Variants in ILDR2 observed in about 807,000 individuals in gnomAD.
The protein encoded by ILDR2 is immunoglobulin like domain containing receptor 2.
ILDR2 carries 25 observed loss-of-function variants against 66.8 expected under a neutral mutation model. The observed-to-expected ratio is 0.37, with a 90% CI of 0.27 to 0.52. The LOEUF (loss-of-function observed/expected upper bound fraction) is 0.52. Among genes scored for constraint, ILDR2 ranks in the 20% least tolerant of loss-of-function variants. The pLI is 0.88. For missense variants in ILDR2, 827 were observed against 876.8 expected (o/e 0.94, Z 0.72); for synonymous variants, 367 against 357.2 (o/e 1.03, Z -0.31).
At chr1:166,933,111 T>G (rs532157891) in intron 6 of ILDR2, among the ~76,000 whole-genome samples, 1 of 152,230 alleles carries the variant, frequency 6.6e-6, no homozygotes, top group African/African-American at 2.4e-5. Context: ...ACCCTTCCTC[T>G]TTTTCCTTGC....
chr1:166,951,433 TTTATCTGTTACGTAAATCAAA>T (rs1399998774), intron 3 of ILDR2, among the ~76,000 whole-genome samples: 1 of 152,210 alleles, frequency 6.6e-6, no homozygotes, highest in Non-Finnish European at 1.5e-5. Flanking sequence ...TACCCCCGGA[TTTATCTGTTACGTAAATCAAA>T]TTATCTGTTA....
Position 166,909,822 on chromosome 1 carries a change from C to G in ILDR2, c.*9533G>C, listed in dbSNP as rs1171883290. 7.7e-6 allele frequency: 1 copy of G among 129,968 alleles called. No homozygotes were observed. 8.1% of individuals were successfully genotyped at this position (129,968 alleles called of 1,614,324 possible). Reference sequence around the variant, plus strand: ...ATATATATATCCTTCTAGCTTTGCTCTACTGGACATTAACGTCTCAGAGAA... The same window carrying G: ...ATATATATATCCTTCTAGCTTTGCTGTACTGGACATTAACGTCTCAGAGAA... On this transcript the variant is annotated 3_prime_UTR_variant, in exon 10 of 10. Coordinates refer to ENST00000271417, the MANE Select transcript of ILDR2 (RefSeq NM_199351.3).
At chr1:166,901,781 C>G (rs1371605157) in intron 2 of ILDR2, among the ~76,000 whole-genome samples, 1 of 152,212 alleles carries the variant, frequency 6.6e-6, no homozygotes, top group East Asian at 1.9e-4. Context: ...TGGTTGCAGA[C>G]AGATATCTGT....
intron 3 of ILDR2, among the ~76,000 whole-genome samples, chr1:166,952,757 G>C (rs535743738): frequency 1.6e-4 from 25 of 152,232 alleles, no homozygotes; most frequent in Non-Finnish European, 2.9e-4. Flanking sequence ...ACGGCCTCAA[G>C]CAGTAACCAC....
At chr1:166,953,068 C>A (rs145562070) in intron 3 of ILDR2, among the ~76,000 whole-genome samples, 1 of 152,062 alleles carries the variant, frequency 6.6e-6, no homozygotes, top group East Asian at 1.9e-4. Flanking sequence ...TTTTTGGCAT[C>A]CCACATCTAT....
downstream of ILDR2, among the ~76,000 whole-genome samples, chr1:166,906,456 G>T (rs1426899999): frequency 1.3e-5 from 2 of 151,996 alleles, no homozygotes; most frequent in African/African-American, 4.8e-5. Context: ...GGGGAAGGAA[G>T]GTATTCTGGA....
rs74119509 is a variant in ILDR2 at position 166,897,773 on chromosome 1, G to A, written n.172-1672C>T. Among the ~76,000 whole-genome samples, 1,059 of 152,338 alleles carry A rather than the reference G, an allele frequency of 7.0e-3. 11 individuals carry two copies. Among genetic ancestry groups the A allele is most frequent in the African/African-American group, 0.024 (1,017 of 41,580 alleles). On this transcript the variant is annotated intron_variant and non_coding_transcript_variant, in intron 2 of 2. Transcript: ENST00000414590. ...CACATTTGGGACCTCCCCAGGCTTTGTTCTATGCATCTTTCTTTTGGCTAG... is the reference window on the plus strand; with the variant it reads ...CACATTTGGGACCTCCCCAGGCTTTATTCTATGCATCTTTCTTTTGGCTAG...
chr1:166,975,287 C>G lies in ILDR2; in HGVS notation c.-19G>C. 1.2e-6 allele frequency: 2 copies of G among 1,611,848 alleles called. No individual in the cohort carries two copies. The highest frequency in any genetic ancestry group is 1.1e-5 in the South Asian group (1 of 91,002). ...TATCCATCTTCCCCAACTTCCCAGC[C>G]GAATTACGGAGTGAGGAAAGTGGGA... is the stretch of plus-strand genomic sequence containing the variant. On this transcript the variant is annotated 5_prime_UTR_variant, in exon 1 of 10. Coordinates refer to ENST00000271417, the MANE Select transcript of ILDR2 (RefSeq NM_199351.3).
chr1:166,951,960 T>C (rs1475198395), intron 3 of ILDR2, among the ~76,000 whole-genome samples: 1 of 152,190 alleles, frequency 6.6e-6, no homozygotes, highest in Non-Finnish European at 1.5e-5. Flanking sequence ...GGGGTGTTCA[T>C]CCAGTCACAT....
At position 166,920,758 on chromosome 1, in the gene ILDR2, G is replaced by T; in HGVS notation, c.1833C>A (p.Pro611=). Residue 611 remains proline, a synonymous_variant, in exon 9 of 10, where the codon CCC becomes CCA. Transcript: ENST00000271417. The part of the protein sequence containing the change: ...RGPSYRGRDL[P]YHSNSEKKRK... ...TCTTCTTCTCCGAGTTGCTGTGGTA[G>T]GGCAGGTCGCGGCCGCGGTAGGACG... 2 of 1,490,224 alleles carry T rather than the reference G, an allele frequency of 1.3e-6. No individual in the cohort carries two copies. Among genetic ancestry groups the T allele is most frequent in the East Asian group, 2.7e-5 (1 of 36,680 alleles). 92.3% of individuals were successfully genotyped at this position (1,490,224 alleles called of 1,614,324 possible). A position where few individuals can be genotyped will look rare whatever the true frequency, so the allele number is the denominator to read the frequency against.
chr1:166,957,159 G>A (rs186255577), intron 2 of ILDR2, among the ~76,000 whole-genome samples: 4 of 152,212 alleles, frequency 2.6e-5, no homozygotes, highest in Non-Finnish European at 5.9e-5. Flanking sequence ...CTAAGAGCCA[G>A]GAAAATGCCA....
intron 6 of ILDR2, among the ~76,000 whole-genome samples, chr1:166,932,749 A>G (rs1400172782): frequency 6.6e-6 from 1 of 152,254 alleles, no homozygotes; most frequent in Non-Finnish European, 1.5e-5. Flanking sequence ...GCCCTTTTCA[A>G]CCACACATTG....
intron 1 of ILDR2, among the ~76,000 whole-genome samples, chr1:166,964,504 C>G (rs1662815405): frequency 6.6e-6 from 1 of 152,090 alleles, no homozygotes; most frequent in African/African-American, 2.4e-5. Context: ...ATAGGTGAAG[C>G]TAAAAAATGT....
chr1:166,946,091 G>C (rs1180885582), intron 3 of ILDR2, among the ~76,000 whole-genome samples: 1 of 152,052 alleles, frequency 6.6e-6, no homozygotes, highest in Non-Finnish European at 1.5e-5. Context: ...CCTTTCTCTG[G>C]CCCTTTTAAA....
At chr1:166,960,755 G>T (rs1662563244) in intron 1 of ILDR2, among the ~76,000 whole-genome samples, 1 of 152,168 alleles carries the variant, frequency 6.6e-6, no homozygotes, top group African/African-American at 2.4e-5. Context: ...AAGAACCCTA[G>T]TTCCCATGCT....
rs1258626210 is a variant in ILDR2 at position 166,909,259 on chromosome 1, T to C, written c.*10096A>G. On this transcript the variant is annotated 3_prime_UTR_variant, in exon 10 of 10. Transcript: ENST00000271417. ...GTGACTCTCAGACTGCTAGTGGCTA[T>C]ATTCCTGCCTTTTGGAGTAAGTCTA... 1 of 152,208 alleles carries C rather than the reference T, an allele frequency of 6.6e-6. No homozygotes were observed. Among genetic ancestry groups the C allele is most frequent in the Admixed American group, 6.5e-5 (1 of 15,280 alleles). 9.4% of individuals were successfully genotyped at this position (152,208 alleles called of 1,614,324 possible). A position where few individuals can be genotyped will look rare whatever the true frequency, so the allele number is the denominator to read the frequency against.
At chr1:166,953,233 C>T (rs1662088271) in intron 3 of ILDR2, among the ~76,000 whole-genome samples, 1 of 152,136 alleles carries the variant, frequency 6.6e-6, no homozygotes, top group Non-Finnish European at 1.5e-5. Context: ...ACCCTGCTTG[C>T]TAATAATTGT....
At chr1:166,920,131 T>C (rs1659817868) in intron 9 of ILDR2, among the ~76,000 whole-genome samples, 1 of 152,128 alleles carries the variant, frequency 6.6e-6, no homozygotes, top group Non-Finnish European at 1.5e-5. Flanking sequence ...ACCAAAGGAT[T>C]TCCTTCACAT....
rs190881739 is a variant in ILDR2, at chr1:166,912,051, T to C, written c.*7304A>G. 120 of 152,110 alleles carry C rather than the reference T, an allele frequency of 7.9e-4. 1 individual carries two copies. The highest frequency in any genetic ancestry group is 2.7e-3 in the African/African-American group (112 of 41,508). The allele number at this position is 152,110 out of a possible 1,614,324, so 9.4% of individuals were successfully genotyped here. A position where few individuals can be genotyped will look rare whatever the true frequency, so the allele number is the denominator to read the frequency against. On this transcript the variant is annotated 3_prime_UTR_variant, in exon 10 of 10. Transcript: ENST00000271417. ...CACCACAAATCCTAATTTGGATAAA[T>C]AAAAAGAAATCCACACCTGGTCACA...
Sources: gnomAD v4.1 joint callset for allele counts (sites outside exome capture counted in the v4.1 genomes callset) on GRCh38, gnomAD v4.1.1 for gene constraint, MANE v1.5 for transcripts, NCBI Gene and HGNC (gene_info 2026-07-23, HGNC 2026-07-21) for gene names.